Variants in PDK1 observed in about 807,000 individuals in gnomAD.
PDK1 encodes the protein pyruvate dehydrogenase kinase 1.
In PDK1, 39 loss-of-function variants were observed where a neutral mutation model predicts 54.2. The observed-to-expected ratio is 0.72, with a 90% CI of 0.56 to 0.94. The LOEUF is 0.94. Among genes scored for constraint, PDK1 ranks in the 40% least tolerant of loss-of-function variants. The pLI is 0.00. For synonymous variants in PDK1, 221 were observed against 207.1 expected, an observed-to-expected ratio of 1.07 and a Z score of -0.58; for missense variants, 552 against 566.0, an observed-to-expected ratio of 0.98 and a Z score of 0.25.
intron 8 of PDK1, among the ~76,000 whole-genome samples, chr2:172,572,413 C>T (rs776113183): frequency 1.2e-4 from 18 of 152,120 alleles, no homozygotes; most frequent in Non-Finnish European, 2.6e-4. Context: ...AGAACATTTT[C>T]ATCAGTCCTA....
chr2:172,571,823 C>CGTTTTTT lies in PDK1; in HGVS notation c.945+999_945+1000insGTTTTTT, dbSNP rs765005051. 6.2e-3 allele frequency among the ~76,000 whole-genome samples: 618 copies of CGTTTTTT among 99,752 alleles called. 92 individuals carry two copies. The highest frequency in any genetic ancestry group is 0.014 in the African/African-American group (357 of 25,606). The allele number at this position is 99,752 out of a possible 152,430, so 65.4% of individuals were successfully genotyped here. A position where few individuals can be genotyped will look rare whatever the true frequency, so the allele number is the denominator to read the frequency against. ...CTCAGAGATTCTTAGTCTTTCTTTA[C>CGTTTTTT]TTTTTTTTTTTTTTTTTTTTTTTTT... On this transcript the variant is annotated intron_variant, in intron 8 of 10. Coordinates refer to ENST00000282077, the MANE Select transcript of PDK1 (RefSeq NM_002610.5).
rs1691179016 is a variant in PDK1, at chr2:172,603,360, G to A, written c.*7391G>A. On this transcript the variant is annotated 3_prime_UTR_variant, in exon 11 of 11. Coordinates refer to ENST00000282077, the MANE Select transcript of PDK1 (RefSeq NM_002610.5). ...TGACCTCGAGATCGAAAACCCATTAGTTAATCTTTGTGACATCTGAATTTT... is the reference window on the plus strand; with the variant it reads ...TGACCTCGAGATCGAAAACCCATTAATTAATCTTTGTGACATCTGAATTTT... The A allele has an allele frequency of 6.6e-6, 1 of 152,184 alleles. No homozygotes were observed. Among genetic ancestry groups the A allele is most frequent in the Admixed American group, 6.5e-5 (1 of 15,276 alleles). The allele number at this position is 152,184 out of a possible 1,614,324, so 9.4% of individuals were successfully genotyped here. A position where few individuals can be genotyped will look rare whatever the true frequency, so the allele number is the denominator to read the frequency against.
chr2:172,622,367 CAT>C, the PDK1 span, among the ~76,000 whole-genome samples: 222 of 135,178 alleles, frequency 1.6e-3, no homozygotes, highest in African/African-American at 5.6e-3. Flanking sequence ...ATGTTTATAT[CAT>C]ATATTATGTG....
chr2:172,623,470 GTTTATAAAAGCC>G, the PDK1 span, among the ~76,000 whole-genome samples: 5 of 152,154 alleles, frequency 3.3e-5, no homozygotes, highest in Non-Finnish European at 5.9e-5. Context: ...TCAGAAAGAG[GTTTATAAAAGCC>G]TGTGGATGCA....
the PDK1 span, among the ~76,000 whole-genome samples, chr2:172,692,351 T>C: frequency 6.6e-6 from 1 of 152,220 alleles, no homozygotes; most frequent in African/African-American, 2.4e-5. Context: ...GATTATATAA[T>C]AGTAGTTTAC....
the PDK1 span, among the ~76,000 whole-genome samples, chr2:172,677,869 T>C: frequency 6.6e-6 from 1 of 152,088 alleles, no homozygotes; most frequent in African/African-American, 2.4e-5. Context: ...ATTGGGAGGA[T>C]GAATAAAAGG....
chr2:172,691,708 C>T, the PDK1 span, among the ~76,000 whole-genome samples: 2,692 of 152,314 alleles, frequency 0.018, 76 homozygotes, highest in African/African-American at 0.061. Context: ...CAGTAAGAGG[C>T]ATTTGAAGTT....
the PDK1 span, among the ~76,000 whole-genome samples, chr2:172,687,759 G>T: frequency 2.6e-5 from 4 of 152,122 alleles, no homozygotes; most frequent in South Asian, 2.1e-4. Context: ...GGATCATTTG[G>T]GTTCACACAT....
At chr2:172,712,875 G>A in the PDK1 span, among the ~76,000 whole-genome samples, 3 of 152,226 alleles carry the variant, frequency 2.0e-5, no homozygotes, top group African/African-American at 7.2e-5. Flanking sequence ...GGAAGAATGA[G>A]GTATGCAGAT....
At chr2:172,611,691 C>A (rs1011872090), downstream of PDK1, among the ~76,000 whole-genome samples, 1 of 152,152 alleles carries the variant, frequency 6.6e-6, no homozygotes, top group Non-Finnish European at 1.5e-5. Context: ...ACAAGAAGTA[C>A]GTGTCATGAC....
chr2:172,692,027 A>G, the PDK1 span, among the ~76,000 whole-genome samples: 1 of 152,200 alleles, frequency 6.6e-6, no homozygotes, highest in African/African-American at 2.4e-5. Context: ...TTGGCCAAGA[A>G]TCCTACATTG....
At position 172,607,073 on chromosome 2, in the gene PDK1, A is replaced by G. The variant is rs1691322473; in HGVS notation, c.*11104A>G. ...TCTCAGGCATATTGTCTTCAAAGGA[A>G]TGTTTTAAACCAGCCAAAGACTAAC... On this transcript the variant is annotated 3_prime_UTR_variant, in exon 11 of 11. Transcript: ENST00000282077. 1 of 152,244 alleles carries G rather than the reference A, an allele frequency of 6.6e-6. No individual in the cohort carries two copies. The highest frequency in any genetic ancestry group is 1.5e-5 in the Non-Finnish European group (1 of 68,046). The allele number at this position is 152,244 out of a possible 1,614,324, so 9.4% of individuals were successfully genotyped here. A position where few individuals can be genotyped will look rare whatever the true frequency, so the allele number is the denominator to read the frequency against.
At chr2:172,577,110 A>G (rs1689621855) in intron 8 of PDK1, among the ~76,000 whole-genome samples, 1 of 152,070 alleles carries the variant, frequency 6.6e-6, no homozygotes, top group Non-Finnish European at 1.5e-5. Flanking sequence ...GTTTTGCTTC[A>G]TGTATTTTGG....
At chr2:172,587,645 T>G (rs954265905) in intron 9 of PDK1, among the ~76,000 whole-genome samples, 5 of 150,084 alleles carry the variant, frequency 3.3e-5, no homozygotes, top group Admixed American at 2.0e-4. Flanking sequence ...GGTACCAGAG[T>G]GGCTTGCCGC....
the PDK1 span, among the ~76,000 whole-genome samples, chr2:172,657,492 G>T: frequency 7.0e-6 from 1 of 143,040 alleles, no homozygotes; most frequent in East Asian, 2.0e-4. Flanking sequence ...TGTGCAGGTT[G>T]TATTATTTAA....
At chr2:172,583,131 T>C (rs1690002610) in intron 8 of PDK1, among the ~76,000 whole-genome samples, 1 of 152,238 alleles carries the variant, frequency 6.6e-6, no homozygotes, top group East Asian at 1.9e-4. Context: ...AACTAGCAAA[T>C]GTGCAGCAGA....
In PDK1 at chr2:172,607,645, A is replaced by T. The variant is rs1691340236; in HGVS notation, c.*11676A>T. Reference sequence around the variant, plus strand: ...GTGATGGTGAACCCAAAACAATGGTACTAGGAAGGAGGTTGGCCAAACTCA... The same window carrying T: ...GTGATGGTGAACCCAAAACAATGGTTCTAGGAAGGAGGTTGGCCAAACTCA... On this transcript the variant is annotated 3_prime_UTR_variant, in exon 11 of 11. Coordinates refer to ENST00000282077, the MANE Select transcript of PDK1 (RefSeq NM_002610.5). The T allele has an allele frequency of 6.6e-6, 1 of 152,302 alleles. No individual in the cohort carries two copies. The highest frequency in any genetic ancestry group is 6.5e-5 in the Admixed American group (1 of 15,282). The allele number at this position is 152,302 out of a possible 1,614,324, so 9.4% of individuals were successfully genotyped here. A position where few individuals can be genotyped will look rare whatever the true frequency, so the allele number is the denominator to read the frequency against.
At chr2:172,668,518 A>G in the PDK1 span, among the ~76,000 whole-genome samples, 1 of 151,452 alleles carries the variant, frequency 6.6e-6, no homozygotes, top group African/African-American at 2.4e-5. Flanking sequence ...CTGCTTAGCT[A>G]TGGATAGGAG....
At chr2:172,687,825 G>A in the PDK1 span, among the ~76,000 whole-genome samples, 3 of 152,178 alleles carry the variant, frequency 2.0e-5, no homozygotes, top group African/African-American at 7.2e-5. Context: ...GCTAATGGGA[G>A]TCAATTGCCC....
Sources: allele counts gnomAD v4.1 joint callset (sites outside exome capture counted in the v4.1 genomes callset), GRCh38; gene constraint gnomAD v4.1.1; transcripts MANE v1.5; gene names NCBI Gene and HGNC (gene_info 2026-07-23, HGNC 2026-07-21).